SH3PXD2A: variants seen among roughly 807,000 people sequenced by gnomAD.
SH3PXD2A encodes SH3 and PX domain-containing protein 2A.
In SH3PXD2A, 32 loss-of-function variants were observed where a neutral mutation model predicts 115.2. The observed-to-expected ratio is 0.28, with a 90% CI of 0.21 to 0.37. The LOEUF (loss-of-function observed/expected upper bound fraction) is 0.37. Ranked by LOEUF, SH3PXD2A falls within the 10% of genes least tolerant of loss-of-function variation. SH3PXD2A has a pLI of 1.00. For missense variants in SH3PXD2A, 1,328 were observed against 1,498.7 expected (o/e 0.89, Z 1.88); for synonymous variants, 610 against 629.1 (o/e 0.97, Z 0.45).
At chr10:103,684,124 G>T (rs1000067259) in intron 6 of SH3PXD2A, among the ~76,000 whole-genome samples, 1 of 152,132 alleles carries the variant, frequency 6.6e-6, no homozygotes, top group East Asian at 1.9e-4. Context: ...TTTACCTTGC[G>T]GGGAAGGGAG....
chr10:103,695,737 A>G (rs1363547614), intron 5 of SH3PXD2A, among the ~76,000 whole-genome samples: 2 of 152,192 alleles, frequency 1.3e-5, no homozygotes, highest in Admixed American at 1.3e-4. Flanking sequence ...CATAATCTCC[A>G]TCAGGCCTCC....
chr10:103,687,368 A>G (rs1222681334), intron 6 of SH3PXD2A, among the ~76,000 whole-genome samples: 1 of 152,180 alleles, frequency 6.6e-6, no homozygotes, highest in African/African-American at 2.4e-5. Context: ...TGGCTGATAC[A>G]ACAGAACAGG....
intron 1 of SH3PXD2A, among the ~76,000 whole-genome samples, chr10:103,811,410 CT>C (rs2039269569): frequency 6.6e-6 from 1 of 152,194 alleles, no homozygotes; most frequent in Non-Finnish European, 1.5e-5. Flanking sequence ...TTGCTAAGCA[CT>C]TTGTTTGAAT....
At chr10:103,615,406 C>T (rs2036496785) in intron 11 of SH3PXD2A, among the ~76,000 whole-genome samples, 1 of 152,124 alleles carries the variant, frequency 6.6e-6, no homozygotes, top group Non-Finnish European at 1.5e-5. Context: ...GCTCTGCTCA[C>T]ATCTGCTTTC....
At chr10:103,782,458 C>T (rs1245824133) in intron 2 of SH3PXD2A, among the ~76,000 whole-genome samples, 1 of 152,216 alleles carries the variant, frequency 6.6e-6, no homozygotes. Flanking sequence ...CTAAATAAAA[C>T]TTGCCTTTAA....
At chr10:103,608,453 A>G (rs1275185573) in intron 13 of SH3PXD2A, among the ~76,000 whole-genome samples, 32 of 149,812 alleles carry the variant, frequency 2.1e-4, no homozygotes, top group South Asian at 4.2e-4. Context: ...AAAAAAAAGA[A>G]AAATTGTGTT....
At chr10:103,645,090 G>GGAGC (rs1564852540) in intron 8 of SH3PXD2A, among the ~76,000 whole-genome samples, 2 of 152,154 alleles carry the variant, frequency 1.3e-5, no homozygotes, top group African/African-American at 4.8e-5. Flanking sequence ...CCAGCGTTCT[G>GGAGC]CTCTCCTAAC....
intron 2 of SH3PXD2A, among the ~76,000 whole-genome samples, chr10:103,786,282 T>C (rs74157341): frequency 0.046 from 7,016 of 152,274 alleles, 203 homozygotes; most frequent in South Asian, 0.11. Flanking sequence ...AGCACCAGAC[T>C]GCCCAGTCTG....
Position 103,703,456 on chromosome 10 carries a change from C to T in SH3PXD2A, c.399-10400G>A, listed in dbSNP as rs1470518428. Among the ~76,000 whole-genome samples, 5 of 152,330 alleles carry T rather than the reference C, an allele frequency of 3.3e-5. No individual in the cohort carries two copies. In the Middle Eastern group the frequency reaches 0.014, roughly 415 times the overall value. On this transcript the variant is annotated intron_variant, in intron 5 of 14. Transcript: ENST00000369774. ...TCGGTTGTCTGTGCTGCAACCACCACAGGCCCCCTCCTGCCCTGCCTAGTG... is the reference window on the plus strand; with the variant it reads ...TCGGTTGTCTGTGCTGCAACCACCATAGGCCCCCTCCTGCCCTGCCTAGTG...
At chr10:103,622,599 C>A (rs553678769) in intron 9 of SH3PXD2A, 46 bp from the exon 10 acceptor site, 1 of 997,170 alleles carries the variant, frequency 1.0e-6, no homozygotes. Flanking sequence ...CAGCAACCGG[C>A]GGAGAGAATG....
At chr10:103,827,915 G>C (rs1464573633) in intron 1 of SH3PXD2A, among the ~76,000 whole-genome samples, 3 of 152,352 alleles carry the variant, frequency 2.0e-5, no homozygotes, top group Middle Eastern at 3.4e-3. Flanking sequence ...GGGATGACAA[G>C]AGTGGATGAG....
intron 8 of SH3PXD2A, among the ~76,000 whole-genome samples, chr10:103,653,091 G>A (rs1238626315): frequency 6.6e-6 from 1 of 152,076 alleles, no homozygotes; most frequent in South Asian, 2.1e-4. Flanking sequence ...TCTCCACAGC[G>A]CCTGCTTGTT....
intron 6 of SH3PXD2A, among the ~76,000 whole-genome samples, chr10:103,683,097 C>T (rs1303293454): frequency 6.6e-6 from 1 of 152,060 alleles, no homozygotes; most frequent in Non-Finnish European, 1.5e-5. Context: ...TGGTGGCTCA[C>T]GTCTGTAATC....
Position 103,617,295 on chromosome 10 carries a change from C to A in SH3PXD2A, c.822G>T (p.Val274=), listed in dbSNP as rs2036533711. ...CCTTGCTTTGGCTGGTGTAAGGCTG[C>A]ACGGTGACATACTTCTCCTCTGGGG... The part of the protein sequence containing the change: ...QHSREEKYVT[V]QPYTSQSKDE... Residue 274 remains valine (V), a synonymous_variant, in exon 11 of 15, where the codon GTG becomes GTT. Transcript: ENST00000369774. 6.2e-7 allele frequency: 1 copy of A among 1,613,866 alleles called. No homozygotes were observed.
chr10:103,647,194 C>CA (rs1007079841), intron 8 of SH3PXD2A, among the ~76,000 whole-genome samples: 1 of 152,182 alleles, frequency 6.6e-6, no homozygotes, highest in African/African-American at 2.4e-5. Flanking sequence ...GGCAATACTG[C>CA]AATATCATGG....
intron 10 of SH3PXD2A, among the ~76,000 whole-genome samples, chr10:103,618,147 C>T (rs1230658197): frequency 2.0e-5 from 3 of 152,166 alleles, no homozygotes; most frequent in Admixed American, 2.0e-4. Context: ...CCAAGGTCCT[C>T]CCGAGGTGCT....
intron 11 of SH3PXD2A, among the ~76,000 whole-genome samples, chr10:103,616,985 G>A (rs768008053): frequency 6.6e-6 from 1 of 152,416 alleles, no homozygotes; most frequent in Non-Finnish European, 1.5e-5. Flanking sequence ...TGTGGCTCAA[G>A]CTCTGCTTTA....
chr10:103,690,627 A>T (rs1034876336), intron 6 of SH3PXD2A, among the ~76,000 whole-genome samples: 7 of 152,232 alleles, frequency 4.6e-5, no homozygotes, highest in Admixed American at 3.3e-4. Flanking sequence ...CTTTACTCAA[A>T]ATCCACTGAT....
At chr10:103,761,629 C>T (rs930036078) in intron 3 of SH3PXD2A, among the ~76,000 whole-genome samples, 2 of 152,198 alleles carry the variant, frequency 1.3e-5, no homozygotes, top group Non-Finnish European at 2.9e-5. Flanking sequence ...CCTGAGTCCC[C>T]GTGAGGTTCC....
Sources: gnomAD v4.1 joint callset for allele counts (sites outside exome capture counted in the v4.1 genomes callset) on GRCh38, gnomAD v4.1.1 for gene constraint, MANE v1.5 for transcripts, NCBI Gene and HGNC (gene_info 2026-07-23, HGNC 2026-07-21) for gene names.